ATXN7: variants seen among roughly 807,000 people sequenced by gnomAD.
The protein encoded by ATXN7 is ataxin 7.
Under a neutral mutation model 70.5 loss-of-function variants are expected in ATXN7, and 12 were observed. The observed-to-expected ratio is 0.17, with a 90% CI of 0.11 to 0.28. The LOEUF is 0.28. ATXN7 is among the 10% of genes least tolerant of loss of function. The pLI is 1.00. For missense variants in ATXN7, 1,256 were observed against 1,131.7 expected, an observed-to-expected ratio of 1.11 and a Z score of -1.58; for synonymous variants, 498 against 448.7, an observed-to-expected ratio of 1.11 and a Z score of -1.39.
chr3:63,991,132 G>A (rs1279355142), intron 11 of ATXN7: 1 of 439,402 alleles, frequency 2.3e-6, no homozygotes, highest in Non-Finnish European at 4.2e-6. Flanking sequence ...AAAAAAACTA[G>A]TCTACAGAAG....
intron 4 of ATXN7, among the ~76,000 whole-genome samples, chr3:63,939,927 A>G (rs2074726582): frequency 6.6e-6 from 1 of 152,144 alleles, no homozygotes; most frequent in Non-Finnish European, 1.5e-5. Flanking sequence ...TATTTGGGCT[A>G]GCTCAGAGCT....
chr3:63,927,067 A>G (rs1259848057), intron 4 of ATXN7, among the ~76,000 whole-genome samples: 2 of 152,148 alleles, frequency 1.3e-5, no homozygotes, highest in African/African-American at 4.8e-5. Context: ...TCTATCATTC[A>G]TGGGCATTTG....
chr3:63,952,358 T>G, intron 4 of ATXN7, 21 bp from the exon 5 acceptor site: 1 of 1,576,432 alleles, frequency 6.3e-7, no homozygotes, highest in Non-Finnish European at 8.7e-7. Flanking sequence ...GAGTGAGTGA[T>G]GCTCTGTTTC....
At position 63,990,177 on chromosome 3, in the gene ATXN7, C is replaced by T. The variant is rs1191295964; in HGVS notation, c.1363C>T (p.Pro455Ser). ...GTGCTGCACTTTCTACTCACCAAGG[C>T]CTCCAGGCTGCCCTGCTCAGCAAGG... ...PKPHTPSLPR[P>S]PGCPAQQGGS... is the part of the protein sequence containing the mutation. Residue 455 changes from proline to serine, a missense_variant and splice_region_variant, in exon 10 of 13, where the codon CCT becomes TCT. Pro to Ser is a moderately conservative substitution (Grantham distance 74). Transcript: ENST00000674280. The T allele has an allele frequency of 6.2e-7, 1 of 1,612,816 alleles. No homozygotes were observed. The highest frequency in any genetic ancestry group is 8.5e-7 in the Non-Finnish European group (1 of 1,179,986).
chr3:63,912,714 A>G lies in ATXN7; in HGVS notation c.116A>G (p.Gln39Arg), dbSNP rs868854400. The G allele has an allele frequency of 8.2e-6, 10 of 1,212,676 alleles. No homozygotes were observed. The East Asian group carries it at 3.3e-4, about 40-fold the overall frequency. The allele number at this position is 1,212,676 out of a possible 1,614,324, so 75.1% of individuals were successfully genotyped here. A position where few individuals can be genotyped will look rare whatever the true frequency, so the allele number is the denominator to read the frequency against. ...RQQQQQQQQQ[Q>R]PPPPQPQRQQ... The stretch of plus-strand genomic sequence containing the variant: ...CAGCAGCAGCAGCAGCAGCAGCAGC[A>G]GCCGCCGCCTCCGCAGCCCCAGCGG... Residue 39 changes from glutamine to arginine, a missense_variant, in exon 3 of 13, where the codon CAG (glutamine) becomes CGG (arginine). Transcript: ENST00000674280.
intron 9 of ATXN7, among the ~76,000 whole-genome samples, chr3:63,988,801 C>T (rs3774726): frequency 0.42 from 63,428 of 152,068 alleles, 14,527 homozygotes; most frequent in African/African-American, 0.61. Context: ...TGTATTAGCA[C>T]TTTAGTAGCA....
chr3:63,985,433 T>C (rs984102700), intron 8 of ATXN7, among the ~76,000 whole-genome samples: 1 of 152,248 alleles, frequency 6.6e-6, no homozygotes, highest in Non-Finnish European at 1.5e-5. Context: ...CCACCAGGCC[T>C]GCCCTTTTAC....
chr3:63,932,952 C>G (rs1383675281), intron 4 of ATXN7, among the ~76,000 whole-genome samples: 1 of 152,230 alleles, frequency 6.6e-6, no homozygotes. Context: ...CTTGTTTAAA[C>G]TTGACCTTTA....
chr3:63,963,644 C>T lies in ATXN7; in HGVS notation c.499+11161C>T, dbSNP rs1196616262. On this transcript the variant is annotated intron_variant, in intron 5 of 12. Coordinates refer to ENST00000674280, the MANE Select transcript of ATXN7 (RefSeq NM_001377405.1). ...ACACTTCTGCTCCTTTTCTACTCAA[C>T]AATACCTCATGTAAATCCATTCACA... Among the ~76,000 whole-genome samples the T allele has an allele frequency of 2.6e-5, 4 of 152,324 alleles. No homozygotes were observed. The East Asian group carries it at 7.7e-4, about 29-fold the overall frequency.
In ATXN7 at chr3:63,913,139, T is replaced by G; in HGVS notation, c.326-18T>G. Reference sequence around the variant, plus strand: ...CTGACCTGCCTCTCCCCTCCTCCTGTGTGTGTATATCTCCTAGGGACAGAA... The same window carrying G: ...CTGACCTGCCTCTCCCCTCCTCCTGGGTGTGTATATCTCCTAGGGACAGAA... On this transcript the variant is annotated intron_variant, in intron 3 of 12. Coordinates refer to ENST00000674280, the MANE Select transcript of ATXN7 (RefSeq NM_001377405.1). 1 of 1,609,796 alleles carries G rather than the reference T, an allele frequency of 6.2e-7. No homozygotes were observed. Among genetic ancestry groups the G allele is most frequent in the Non-Finnish European group, 8.5e-7 (1 of 1,176,594 alleles).
intron 2 of ATXN7, among the ~76,000 whole-genome samples, chr3:63,903,449 G>C (rs927193780): frequency 6.8e-6 from 1 of 147,072 alleles, no homozygotes; most frequent in Non-Finnish European, 1.5e-5. Context: ...TGTTTCTTTA[G>C]AAAATGTTTA....
At chr3:63,984,716 A>G in intron 8 of ATXN7, among the ~76,000 whole-genome samples, 1 of 152,242 alleles carries the variant, frequency 6.6e-6, no homozygotes, top group Non-Finnish European at 1.5e-5. Context: ...AATATTATAC[A>G]GCAGATGTCT....
intron 11 of ATXN7, among the ~76,000 whole-genome samples, chr3:63,993,703 A>G (rs1021385698): frequency 6.6e-6 from 1 of 152,210 alleles, no homozygotes; most frequent in Admixed American, 6.5e-5. Context: ...CCTCCCGGAG[A>G]GATCCACATC....
intron 5 of ATXN7, among the ~76,000 whole-genome samples, chr3:63,961,604 A>G (rs150012058): frequency 1.6e-4 from 24 of 152,242 alleles, no homozygotes; most frequent in African/African-American, 5.8e-4. Flanking sequence ...AATTGTTTAT[A>G]ATGTGTATAT....
chr3:63,865,207 G>A (rs1255050140), intron 1 of ATXN7: 1 of 152,206 alleles, frequency 6.6e-6, no homozygotes, highest in Non-Finnish European at 1.5e-5. Flanking sequence ...AAAGTGAAGT[G>A]TGTTTAACCT....
At chr3:63,957,897 C>T (rs1321577255) in intron 5 of ATXN7, among the ~76,000 whole-genome samples, 1 of 152,172 alleles carries the variant, frequency 6.6e-6, no homozygotes, top group Non-Finnish European at 1.5e-5. Context: ...AATAACAGAC[C>T]TTGAAAACAG....
chr3:63,996,404 C>T lies in ATXN7; in HGVS notation c.2582C>T (p.Ala861Val). 6.2e-7 allele frequency: 1 copy of T among 1,614,136 alleles called. No homozygotes were observed. Among genetic ancestry groups the T allele is most frequent in the Non-Finnish European group, 8.5e-7 (1 of 1,180,028 alleles). The change falls in exon 12 of 13, where the codon GCC becomes GTC. Residue 861 changes from alanine to valine, a missense_variant. Ala to Val is a moderately conservative substitution (Grantham distance 64, BLOSUM62 0). Transcript: ENST00000674280. ...SKPTKVAKVP[A>V]VNNVHMKHTG... The stretch of plus-strand genomic sequence containing the variant: ...CCCACAAAGGTTGCCAAAGTGCCAG[C>T]CGTGAACAATGTCCACATGAAACAC...
At chr3:63,906,487 C>G (rs958301664) in intron 2 of ATXN7, among the ~76,000 whole-genome samples, 1 of 152,092 alleles carries the variant, frequency 6.6e-6, no homozygotes, top group African/African-American at 2.4e-5. Context: ...TAAATAACAC[C>G]CTTATGTTGG....
chr3:63,999,565 T>C lies in ATXN7; in HGVS notation c.*98T>C. The C allele has an allele frequency of 1.3e-6, 2 of 1,577,336 alleles. No individual in the cohort carries two copies. The highest frequency in any genetic ancestry group is 1.7e-6 in the Non-Finnish European group (2 of 1,159,320). ...GGACTCCACGATGCCTTTGAGTCTG[T>C]TTTCCCAACCTCCTGTGGGCCTCAA... On this transcript the variant is annotated 3_prime_UTR_variant, in exon 13 of 13. Coordinates refer to ENST00000674280, the MANE Select transcript of ATXN7 (RefSeq NM_001377405.1).
Sources: gnomAD v4.1 joint callset for allele counts (sites outside exome capture counted in the v4.1 genomes callset) on GRCh38, gnomAD v4.1.1 for gene constraint, MANE v1.5 for transcripts, NCBI Gene and HGNC (gene_info 2026-07-23, HGNC 2026-07-21) for gene names.